The following FTO variants were observed in gnomAD, a reference collection of about 807,000 sequenced individuals.
The protein encoded by FTO is alpha-ketoglutarate-dependent dioxygenase FTO.
In FTO, 47 loss-of-function variants were observed where a neutral mutation model predicts 63.9. The ratio of observed to expected loss-of-function variants is 0.74; its 90% CI spans 0.58 to 0.94. The LOEUF is 0.94. Among genes scored for constraint, FTO ranks in the 40% least tolerant of loss-of-function variants. The probability of loss-of-function intolerance (pLI) is 0.00; values close to 1 mark genes in which losing one functional copy is unlikely to be tolerated. For synonymous variants in FTO, 207 were observed against 224.4 expected (o/e 0.92, Z 0.69); for missense variants, 562 against 618.1 (o/e 0.91, Z 0.96).
intron 8 of FTO, among the ~76,000 whole-genome samples, chr16:54,018,074 T>C (rs570483888): frequency 6.6e-6 from 1 of 151,168 alleles, no homozygotes; most frequent in Non-Finnish European, 1.5e-5. Flanking sequence ...TCATCATTAT[T>C]CTAGTACTCT....
At chr16:54,111,560 G>A (rs1361272498) in intron 8 of FTO, among the ~76,000 whole-genome samples, 1 of 152,140 alleles carries the variant, frequency 6.6e-6, no homozygotes, top group Non-Finnish European at 1.5e-5. Context: ...TCAAAGCAAA[G>A]GAAGTCCCAA....
At chr16:53,853,996 T>G (rs1218013335) in intron 4 of FTO, among the ~76,000 whole-genome samples, 2 of 152,188 alleles carry the variant, frequency 1.3e-5, no homozygotes, top group East Asian at 3.8e-4. Flanking sequence ...ATTTTTTGAC[T>G]TTTTAATAAT....
chr16:53,852,101 CAAAA>C (rs57004473), intron 4 of FTO, among the ~76,000 whole-genome samples: 6 of 54,444 alleles, frequency 1.1e-4, no homozygotes, highest in Admixed American at 9.1e-4. Context: ...ACAAAAAATA[CAAAA>C]AAAAAAAAAA....
At chr16:53,760,235 TGTGTGTGTGTGTGTGTGTG>T (rs2077031129) in intron 1 of FTO, among the ~76,000 whole-genome samples, 1 of 20,084 alleles carries the variant, frequency 5.0e-5, no homozygotes, top group African/African-American at 1.9e-4. Flanking sequence ...TGTGTGTGTG[TGTGTGTGTGTGTGTGTGTG>T]TGTGTGTTTT....
intron 1 of FTO, among the ~76,000 whole-genome samples, chr16:53,770,112 A>T (rs1433596451): frequency 6.6e-6 from 1 of 152,108 alleles, no homozygotes; most frequent in Non-Finnish European, 1.5e-5. Flanking sequence ...AAATGTATTG[A>T]CTCCAAACTC....
chr16:53,791,029 A>G (rs1360962834), intron 1 of FTO, among the ~76,000 whole-genome samples: 1 of 152,196 alleles, frequency 6.6e-6, no homozygotes, highest in East Asian at 1.9e-4. Flanking sequence ...GGAAATGAGG[A>G]TTTTGAGAAA....
At chr16:53,886,620 TTTTTGTTTTG>T (rs907619691) in intron 6 of FTO, among the ~76,000 whole-genome samples, 2 of 152,334 alleles carry the variant, frequency 1.3e-5, no homozygotes, top group South Asian at 4.1e-4. Flanking sequence ...CTACATTCCT[TTTTTGTTTTG>T]TTTTGTTTTG....
At chr16:53,743,011 G>A (rs1266383211) in intron 1 of FTO, among the ~76,000 whole-genome samples, 1 of 152,140 alleles carries the variant, frequency 6.6e-6, no homozygotes, top group Non-Finnish European at 1.5e-5. Flanking sequence ...ACTCCATGAT[G>A]TGGAAAAGGT....
chr16:54,038,788 G>A (rs555070967), intron 8 of FTO, among the ~76,000 whole-genome samples: 23 of 152,312 alleles, frequency 1.5e-4, no homozygotes, highest in African/African-American at 5.5e-4. Flanking sequence ...AAAGCTTCCT[G>A]CGGCCTCATC....
chr16:53,844,581 T>C (rs2079567373), intron 4 of FTO, among the ~76,000 whole-genome samples: 1 of 152,078 alleles, frequency 6.6e-6, no homozygotes, highest in Non-Finnish European at 1.5e-5. Flanking sequence ...TTCCTCAGCC[T>C]CCCAAGTAGC....
chr16:53,973,908 C>A (rs777251351), intron 8 of FTO, among the ~76,000 whole-genome samples: 2 of 152,164 alleles, frequency 1.3e-5, no homozygotes, highest in Non-Finnish European at 2.9e-5. Context: ...AGGTAGTAAA[C>A]TGCAGAGCAT....
chr16:54,056,749 A>T (rs1262844721), intron 8 of FTO, among the ~76,000 whole-genome samples: 12 of 152,178 alleles, frequency 7.9e-5, no homozygotes, highest in Admixed American at 3.3e-4. Flanking sequence ...TGAAACATTG[A>T]TTGCATTCTT....
At chr16:53,928,013 A>T (rs531631978) in intron 7 of FTO, among the ~76,000 whole-genome samples, 2 of 152,308 alleles carry the variant, frequency 1.3e-5, no homozygotes, top group East Asian at 3.9e-4. Context: ...AACAATAATA[A>T]TCATGATGGC....
intron 7 of FTO, among the ~76,000 whole-genome samples, chr16:53,931,300 T>TAA (rs1460980117): frequency 1.7e-5 from 1 of 58,194 alleles, no homozygotes; most frequent in African/African-American, 6.8e-5. Flanking sequence ...CTATGTGACT[T>TAA]TTTTTTTTTT....
intron 8 of FTO, among the ~76,000 whole-genome samples, chr16:53,945,471 A>G (rs544940382): frequency 2.0e-5 from 3 of 152,362 alleles, no homozygotes; most frequent in East Asian, 1.9e-4. Flanking sequence ...TTAGTTTTTA[A>G]TCAACCACTG....
chr16:53,931,054 C>T (rs2082268993), intron 7 of FTO, among the ~76,000 whole-genome samples: 1 of 152,156 alleles, frequency 6.6e-6, no homozygotes, highest in African/African-American at 2.4e-5. Flanking sequence ...TTACATCCTT[C>T]CCCTCTTAGA....
chr16:53,730,024 C>T (rs1033811394), intron 1 of FTO, among the ~76,000 whole-genome samples: 2 of 152,134 alleles, frequency 1.3e-5, no homozygotes, highest in African/African-American at 4.8e-5. Context: ...TAAACTGTCA[C>T]CTGTGATAGC....
intron 8 of FTO, among the ~76,000 whole-genome samples, chr16:54,029,975 T>C (rs114084508): frequency 0.011 from 1,719 of 152,338 alleles, 26 homozygotes; most frequent in African/African-American, 0.039. Flanking sequence ...TTCGTAAATC[T>C]ATATAATTCA....
chr16:54,081,258 T>A (rs972945548), intron 8 of FTO, among the ~76,000 whole-genome samples: 20 of 152,188 alleles, frequency 1.3e-4, no homozygotes, highest in Non-Finnish European at 2.8e-4. Flanking sequence ...GGGCTTATGG[T>A]TACAGCCCTA....
Sources: gnomAD v4.1 joint callset for allele counts (sites outside exome capture counted in the v4.1 genomes callset) on GRCh38, gnomAD v4.1.1 for gene constraint, MANE v1.5 for transcripts, NCBI Gene and HGNC (gene_info 2026-07-23, HGNC 2026-07-21) for gene names.